NCKAP5: variants seen among roughly 807,000 people sequenced by gnomAD.
NCKAP5 encodes the protein nck-associated protein 5.
A neutral mutation model predicts 167.0 loss-of-function variants in NCKAP5; 92 were observed. The ratio of observed to expected loss-of-function variants is 0.55; its 90% CI spans 0.47 to 0.66. The LOEUF is 0.66. NCKAP5 is among the 30% of genes least tolerant of loss of function. The probability of loss-of-function intolerance (pLI) is 0.00; values close to 1 mark genes in which losing one functional copy is unlikely to be tolerated. For missense variants in NCKAP5, 2,378 were observed against 2,315.0 expected (o/e 1.03, Z -0.56); for synonymous variants, 891 against 877.4 (o/e 1.02, Z -0.27).
At chr2:133,483,631 G>C (rs532430071) in intron 3 of NCKAP5, among the ~76,000 whole-genome samples, 2 of 151,114 alleles carry the variant, frequency 1.3e-5, no homozygotes, top group Non-Finnish European at 2.9e-5. Context: ...AAAAAAAGGG[G>C]GGGGGGCTTT....
intron 6 of NCKAP5, among the ~76,000 whole-genome samples, chr2:133,045,155 A>G (rs2079351562): frequency 6.6e-6 from 1 of 152,110 alleles, no homozygotes; most frequent in African/African-American, 2.4e-5. Context: ...TAAGAGCCAC[A>G]AAGAAATGAT....
intron 3 of NCKAP5, among the ~76,000 whole-genome samples, chr2:133,493,418 A>G (rs140021611): frequency 5.5e-4 from 84 of 152,334 alleles, no homozygotes; most frequent in African/African-American, 2.0e-3. Flanking sequence ...AACCCTCACC[A>G]TGACTTTGGC....
chr2:133,629,046 C>G, the NCKAP5 span, among the ~76,000 whole-genome samples: 1 of 152,170 alleles, frequency 6.6e-6, no homozygotes, highest in Admixed American at 6.5e-5. Flanking sequence ...AGAAGAAAAT[C>G]TAGGCAATAC....
At chr2:133,628,946 G>T in the NCKAP5 span, among the ~76,000 whole-genome samples, 1 of 152,174 alleles carries the variant, frequency 6.6e-6, no homozygotes, top group African/African-American at 2.4e-5. Flanking sequence ...TCGGAAGATT[G>T]AAACTGGACC....
intron 6 of NCKAP5, among the ~76,000 whole-genome samples, chr2:133,035,111 C>T (rs59292347): frequency 0.056 from 8,447 of 151,954 alleles, 289 homozygotes; most frequent in Middle Eastern, 0.13. Flanking sequence ...GCAGGAGTTG[C>T]TATACTTCTA....
chr2:133,360,664 A>G (rs994084002), intron 3 of NCKAP5, among the ~76,000 whole-genome samples: 2 of 152,178 alleles, frequency 1.3e-5, no homozygotes, highest in African/African-American at 4.8e-5. Flanking sequence ...TATACTGGAC[A>G]TGCAAGTCAG....
intron 12 of NCKAP5, among the ~76,000 whole-genome samples, chr2:132,794,296 AGAGAGAGAGAGGGT>A (rs1360620526): frequency 4.2e-5 from 5 of 120,314 alleles, no homozygotes; most frequent in African/African-American, 1.6e-4. Context: ...AGAGAGAGAG[AGAGAGAGAGAGGGT>A]GGCGGGAAGA....
intron 15 of NCKAP5, 144 bp downstream of exon 15, chr2:132,780,908 T>C: frequency 1.1e-6 from 1 of 916,472 alleles, no homozygotes; most frequent in Middle Eastern, 3.5e-4. Flanking sequence ...TTTCGCTCTC[T>C]TTTTACAAAT....
At position 132,790,190 on chromosome 2, in the gene NCKAP5, T is replaced by A; in HGVS notation, c.925A>T (p.Thr309Ser). The change falls in exon 13 of 20, where the codon ACA (threonine) becomes TCA (serine). Residue 309 changes from threonine to serine, a missense_variant. By Grantham distance (58) the Thr-to-Ser change is moderately conservative (BLOSUM62 1). Around this residue, in one of 3 missense-constraint regions of NCKAP5, gnomAD observed 1,049 missense variants for 1,023.4 expected, o/e 1.02. Transcript: ENST00000409261. ...CCAGGGCATTTCAAGGCCGATTTTG[T>A]ATTTAGTTGGTGTTCCTGAAAAAGC... The part of the protein sequence containing the change: ...DAEVHEHQLN[T>S]KSALKCPGLG... The A allele has an allele frequency of 1.9e-6, 3 of 1,612,690 alleles. No individual in the cohort carries two copies. Among genetic ancestry groups the A allele is most frequent in the Non-Finnish European group, 2.5e-6 (3 of 1,179,394 alleles).
At chr2:133,209,425 G>A (rs144680065) in intron 5 of NCKAP5, among the ~76,000 whole-genome samples, 8 of 148,508 alleles carry the variant, frequency 5.4e-5, no homozygotes, top group African/African-American at 2.0e-4. Context: ...TGAGTTAACA[G>A]AACAAAAAAG....
intron 11 of NCKAP5, among the ~76,000 whole-genome samples, chr2:132,799,220 A>G (rs1684841533): frequency 6.6e-6 from 1 of 151,932 alleles, no homozygotes; most frequent in Non-Finnish European, 1.5e-5. Flanking sequence ...GGACATAAAC[A>G]TGGGAACAAC....
intron 3 of NCKAP5, among the ~76,000 whole-genome samples, chr2:133,387,375 C>G (rs1236937127): frequency 6.6e-6 from 1 of 152,162 alleles, no homozygotes; most frequent in Non-Finnish European, 1.5e-5. Flanking sequence ...ATATTGGCCC[C>G]CACTCTCTTC....
chr2:133,445,982 G>C (rs1450245604), intron 3 of NCKAP5, among the ~76,000 whole-genome samples: 1 of 152,162 alleles, frequency 6.6e-6, no homozygotes, highest in Non-Finnish European at 1.5e-5. Context: ...GCAGCGTGGT[G>C]GTGGTTTCAA....
At chr2:132,872,028 A>G (rs1015594950) in intron 9 of NCKAP5, among the ~76,000 whole-genome samples, 1 of 152,204 alleles carries the variant, frequency 6.6e-6, no homozygotes, top group African/African-American at 2.4e-5. Flanking sequence ...AAATAATCAC[A>G]CACCCATAGG....
intron 4 of NCKAP5, among the ~76,000 whole-genome samples, chr2:133,248,974 G>A (rs978618041): frequency 3.3e-5 from 5 of 152,106 alleles, no homozygotes; most frequent in Admixed American, 1.3e-4. Context: ...TTTTAAATTT[G>A]TTTTTCTTGC....
the NCKAP5 span, among the ~76,000 whole-genome samples, chr2:133,580,105 A>G: frequency 1.7e-4 from 26 of 152,272 alleles, no homozygotes; most frequent in Non-Finnish European, 2.9e-4. Flanking sequence ...TTGTTCCCCA[A>G]TACTCAGGAG....
chr2:132,864,640 T>C (rs1574458871), intron 10 of NCKAP5, among the ~76,000 whole-genome samples: 1 of 152,252 alleles, frequency 6.6e-6, no homozygotes, highest in East Asian at 1.9e-4. Flanking sequence ...CTTTATGTAT[T>C]GAAGAGTAAA....
intron 7 of NCKAP5, among the ~76,000 whole-genome samples, chr2:132,973,072 TG>T (rs1248463293): frequency 6.6e-6 from 1 of 152,132 alleles, no homozygotes; most frequent in African/African-American, 2.4e-5. Context: ...TCAGTTCCAC[TG>T]GGTGGATATA....
intron 15 of NCKAP5, among the ~76,000 whole-genome samples, chr2:132,776,088 C>A (rs915327768): frequency 6.6e-6 from 1 of 152,152 alleles, no homozygotes; most frequent in African/African-American, 2.4e-5. Flanking sequence ...AGTTATAGAA[C>A]AGGCACTCCT....
Sources: gnomAD v4.1 joint callset for allele counts (sites outside exome capture counted in the v4.1 genomes callset) on GRCh38, gnomAD v4.1.1 for gene constraint, gnomAD v4.1.1 regional missense constraint, MANE v1.5 for transcripts, NCBI Gene and HGNC (gene_info 2026-07-23, HGNC 2026-07-21) for gene names.